TENM4: variants seen among roughly 807,000 people sequenced by gnomAD.
TENM4 encodes teneurin transmembrane protein 4.
Under a neutral mutation model 243.3 loss-of-function variants are expected in TENM4, and 82 were observed. The observed-to-expected ratio is 0.34, with a 90% CI of 0.28 to 0.40. The LOEUF (loss-of-function observed/expected upper bound fraction) is 0.40. TENM4 is among the 10% of genes least tolerant of loss of function. TENM4 has a pLI of 1.00. For synonymous variants in TENM4, 1,412 were observed against 1,456.3 expected (o/e 0.97, Z 0.69); for missense variants, 3,138 against 3,673.3 (o/e 0.85, Z 3.77).
intron 1 of TENM4, among the ~76,000 whole-genome samples, chr11:79,416,029 T>A (rs1858805354): frequency 6.6e-6 from 1 of 152,232 alleles, no homozygotes; most frequent in Non-Finnish European, 1.5e-5. Flanking sequence ...CTCAGTATAA[T>A]TATTTTGAGA....
chr11:78,845,113 C>A (rs1265501223), intron 12 of TENM4, among the ~76,000 whole-genome samples: 1 of 152,196 alleles, frequency 6.6e-6, no homozygotes, highest in Non-Finnish European at 1.5e-5. Flanking sequence ...CTCCCACAGA[C>A]CCCTTTGTTG....
At chr11:78,982,969 C>G (rs971604336) in intron 6 of TENM4, among the ~76,000 whole-genome samples, 1 of 152,222 alleles carries the variant, frequency 6.6e-6, no homozygotes, top group African/African-American at 2.4e-5. Context: ...TGGCCTGGGT[C>G]TGAGGAGTTA....
chr11:79,066,827 G>C (rs1310506353), intron 5 of TENM4, among the ~76,000 whole-genome samples: 1 of 152,186 alleles, frequency 6.6e-6, no homozygotes, highest in Non-Finnish European at 1.5e-5. Context: ...ACAAGGAAGC[G>C]GGGAGGAGAG....
chr11:78,654,045 C>T lies in TENM4; in HGVS notation c.*4013G>A, dbSNP rs1857832623. ...AACTGCAGAGTTCTTTTTTAATTCC[C>T]TTTCCTCCAGTAAAATATAGACAAG... On this transcript the variant is annotated 3_prime_UTR_variant, in exon 34 of 34. Transcript: ENST00000278550. 6.6e-6 allele frequency: 1 copy of T among 152,224 alleles called. No individual in the cohort carries two copies. Among genetic ancestry groups the T allele is most frequent in the South Asian group, 2.1e-4 (1 of 4,834 alleles). The allele number at this position is 152,224 out of a possible 1,614,324, so 9.4% of individuals were successfully genotyped here. A position where few individuals can be genotyped will look rare whatever the true frequency, so the allele number is the denominator to read the frequency against.
At chr11:78,746,682 C>G (rs993086932) in intron 19 of TENM4, among the ~76,000 whole-genome samples, 1 of 152,202 alleles carries the variant, frequency 6.6e-6, no homozygotes, top group Non-Finnish European at 1.5e-5. Flanking sequence ...AGGCCCTTGT[C>G]CCAGCTAAGT....
At chr11:78,694,466 A>G (rs1262445264) in intron 28 of TENM4, among the ~76,000 whole-genome samples, 1 of 152,116 alleles carries the variant, frequency 6.6e-6, no homozygotes, top group Non-Finnish European at 1.5e-5. Context: ...ATTTCCTACA[A>G]AATTAAGTAC....
chr11:79,147,666 C>G (rs1308147123), intron 4 of TENM4, among the ~76,000 whole-genome samples: 1 of 152,058 alleles, frequency 6.6e-6, no homozygotes, highest in African/African-American at 2.4e-5. Flanking sequence ...CTAGCAACTG[C>G]CATGTTTTGA....
At chr11:79,414,160 A>G (rs1858763229) in intron 1 of TENM4, among the ~76,000 whole-genome samples, 1 of 6,140 alleles carries the variant, frequency 1.6e-4, no homozygotes, top group Non-Finnish European at 3.7e-4. Context: ...ACATGTGTAC[A>G]CACACACACA....
At chr11:79,031,075 C>T (rs752383761) in intron 6 of TENM4, among the ~76,000 whole-genome samples, 6 of 152,162 alleles carry the variant, frequency 3.9e-5, no homozygotes, top group African/African-American at 9.7e-5. Flanking sequence ...GTAGGGACCA[C>T]GTCTTGTTTT....
At chr11:78,959,741 G>A (rs1257133275) in intron 6 of TENM4, among the ~76,000 whole-genome samples, 2 of 152,144 alleles carry the variant, frequency 1.3e-5, no homozygotes, top group East Asian at 3.9e-4. Context: ...GACAGCTGCA[G>A]GCTAAAGTCC....
At chr11:79,088,940 C>A (rs761285535) in intron 4 of TENM4, among the ~76,000 whole-genome samples, 41 of 152,332 alleles carry the variant, frequency 2.7e-4, no homozygotes, top group Non-Finnish European at 3.5e-4. Context: ...CCAGGCCTCA[C>A]TTTCCTCATC....
At chr11:78,872,811 G>C (rs1187368761) in intron 9 of TENM4, among the ~76,000 whole-genome samples, 1 of 152,120 alleles carries the variant, frequency 6.6e-6, no homozygotes, top group Non-Finnish European at 1.5e-5. Flanking sequence ...ATTTTCTTTG[G>C]TGTGCCAGCC....
At chr11:78,748,053 G>C (rs1007321856) in intron 19 of TENM4, among the ~76,000 whole-genome samples, 1 of 152,126 alleles carries the variant, frequency 6.6e-6, no homozygotes, top group African/African-American at 2.4e-5. Flanking sequence ...TAAGGTGCTA[G>C]GACATTTGCC....
Position 78,702,046 on chromosome 11 carries a change from A to C in TENM4, c.4567T>G (p.Cys1523Gly). 1 of 1,613,816 alleles carries C rather than the reference A, an allele frequency of 6.2e-7. No homozygotes were observed. The highest frequency in any genetic ancestry group is 8.5e-7 in the Non-Finnish European group (1 of 1,179,766). ...CDCKNDANCD[C>G]FSGDDGYAKD... Reference sequence around the variant, plus strand: ...GCATAACCATCGTCTCCAGAAAAACAATCACAGTTGGCATCATTTTTACAG... The same window carrying C: ...GCATAACCATCGTCTCCAGAAAAACCATCACAGTTGGCATCATTTTTACAG... Residue 1523 changes from cysteine to glycine, a missense_variant, in exon 28 of 34, where the codon TGT becomes GGT. By Grantham distance (159) the Cys-to-Gly change is radical. Transcript: ENST00000278550.
intron 6 of TENM4, among the ~76,000 whole-genome samples, chr11:78,922,932 C>G (rs1335566650): frequency 2.0e-5 from 3 of 152,190 alleles, no homozygotes; most frequent in Admixed American, 2.0e-4. Context: ...CTACCACTTA[C>G]CACTATTTCC....
At chr11:78,980,288 A>G (rs1251897515) in intron 6 of TENM4, among the ~76,000 whole-genome samples, 2 of 152,228 alleles carry the variant, frequency 1.3e-5, no homozygotes, top group Non-Finnish European at 2.9e-5. Flanking sequence ...TAATTGTCAC[A>G]GCAATCTTAA....
At chr11:78,699,096 C>T (rs1215416940) in intron 28 of TENM4, among the ~76,000 whole-genome samples, 1 of 152,154 alleles carries the variant, frequency 6.6e-6, no homozygotes, top group Non-Finnish European at 1.5e-5. Context: ...AACACTTCTG[C>T]AATTACTGGT....
At chr11:78,716,130 C>G (rs1342395749) in intron 25 of TENM4, among the ~76,000 whole-genome samples, 2 of 152,170 alleles carry the variant, frequency 1.3e-5, no homozygotes, top group Non-Finnish European at 2.9e-5. Flanking sequence ...CCACAGATTC[C>G]TAAGTGGCAG....
intron 6 of TENM4, among the ~76,000 whole-genome samples, chr11:78,931,952 C>T (rs577045480): frequency 1.1e-4 from 17 of 152,240 alleles, no homozygotes; most frequent in Admixed American, 5.2e-4. Context: ...ATGATTGCAC[C>T]ACTGCACTCC....
Sources: allele counts gnomAD v4.1 joint callset (sites outside exome capture counted in the v4.1 genomes callset), GRCh38; gene constraint gnomAD v4.1.1; transcripts MANE v1.5; gene names NCBI Gene and HGNC (gene_info 2026-07-23, HGNC 2026-07-21).